PKIB: variants seen among roughly 807,000 people sequenced by gnomAD.
PKIB encodes the protein PKI-beta.
Under a neutral mutation model 4.5 loss-of-function variants are expected in PKIB, and 2 were observed. The observed-to-expected ratio is 0.44, with a 90% CI of 0.18 to 1.39. The LOEUF is 1.39. Ranked by LOEUF, PKIB falls within the 40% of genes most tolerant of loss-of-function variation. The pLI, the probability that PKIB is intolerant of heterozygous loss-of-function variation, is 0.27. For missense variants in PKIB, 94 were observed against 92.6 expected (o/e 1.02, Z -0.06); for synonymous variants, 38 against 36.0 (o/e 1.06, Z -0.20).
chr6:122,486,474 T>G (rs373801347), intron 2 of PKIB, among the ~76,000 whole-genome samples: 3 of 152,148 alleles, frequency 2.0e-5, no homozygotes, highest in African/African-American at 7.2e-5. Context: ...TAAGTTTATT[T>G]CTGTTATACA....
intron 2 of PKIB, among the ~76,000 whole-genome samples, chr6:122,501,224 C>T (rs560698259): frequency 1.8e-3 from 270 of 152,334 alleles, no homozygotes; most frequent in South Asian, 6.6e-3. Flanking sequence ...TGAGACAAAG[C>T]AAGTCCTTTC....
chr6:122,591,973 A>C (rs1420539576), intron 3 of PKIB, among the ~76,000 whole-genome samples: 1 of 151,628 alleles, frequency 6.6e-6, no homozygotes, highest in Non-Finnish European at 1.5e-5. Context: ...ACTGGGATTC[A>C]ACACGTGGTA....
At chr6:122,622,132 A>T (rs1177054821) in intron 1 of PKIB, among the ~76,000 whole-genome samples, 7 of 152,238 alleles carry the variant, frequency 4.6e-5, no homozygotes, top group Admixed American at 2.6e-4. Context: ...CTTAAACACG[A>T]GTTATGTGTT....
intron 1 of PKIB, among the ~76,000 whole-genome samples, chr6:122,629,815 C>G (rs1048938467): frequency 6.6e-6 from 1 of 152,088 alleles, no homozygotes; most frequent in African/African-American, 2.4e-5. Context: ...ATCTGTCAAA[C>G]TATTAAGGTC....
chr6:122,646,963 G>A (rs1776344200), intron 2 of PKIB, among the ~76,000 whole-genome samples: 1 of 151,830 alleles, frequency 6.6e-6, no homozygotes, highest in East Asian at 1.9e-4. Flanking sequence ...CAATCTATAT[G>A]CAATTTTATT....
chr6:122,701,108 G>A (rs575913474), intron 3 of PKIB: 1 of 208,550 alleles, frequency 4.8e-6, no homozygotes, highest in East Asian at 1.2e-4. Context: ...ATGCCCTTCG[G>A]AGTCATGAGA....
chr6:122,493,441 T>C (rs1775991651), intron 2 of PKIB: 1 of 152,242 alleles, frequency 6.6e-6, no homozygotes, highest in South Asian at 2.1e-4. Context: ...ACACAATTTA[T>C]GATATGTTGT....
At chr6:122,510,842 C>T (rs2114579947) in intron 2 of PKIB, among the ~76,000 whole-genome samples, 1 of 152,204 alleles carries the variant, frequency 6.6e-6, no homozygotes, top group East Asian at 1.9e-4. Context: ...CCTGAATGCC[C>T]CCTTTTCATA....
chr6:122,576,689 A>AAAAAATATAT (rs1345822382), intron 2 of PKIB, among the ~76,000 whole-genome samples: 368 of 34,272 alleles, frequency 0.011, 11 homozygotes, highest in Non-Finnish European at 0.013. Context: ...AAAAAAAAAA[A>AAAAAATATAT]ATATATATAT....
chr6:122,508,190 G>A (rs1210059153), intron 2 of PKIB, among the ~76,000 whole-genome samples: 2 of 152,172 alleles, frequency 1.3e-5, no homozygotes, highest in African/African-American at 4.8e-5. Flanking sequence ...AGGAAAGTAA[G>A]TGTCTTTTTA....
intron 2 of PKIB, among the ~76,000 whole-genome samples, chr6:122,498,366 C>A (rs563702458): frequency 6.9e-4 from 105 of 152,260 alleles, no homozygotes; most frequent in African/African-American, 2.4e-3. Context: ...GACCTGCCCC[C>A]ATAATTCAAT....
chr6:122,569,954 A>G (rs567694021), intron 2 of PKIB, among the ~76,000 whole-genome samples: 1 of 152,270 alleles, frequency 6.6e-6, no homozygotes, highest in South Asian at 2.1e-4. Flanking sequence ...AGGGTCTTGG[A>G]GACGGTGTCC....
intron 1 of PKIB, among the ~76,000 whole-genome samples, chr6:122,477,451 T>C (rs181025779): frequency 5.6e-4 from 86 of 152,360 alleles, no homozygotes; most frequent in Middle Eastern, 3.4e-3. Context: ...GGATAAATGT[T>C]ATATTCTGAT....
rs575755216 is a variant in PKIB at position 122,591,188 on chromosome 6, A to G, written c.-161+5181A>G. ...AGGTCCCCCCCCACATCTAATTCCT[A>G]TCTCTCGACACACACACACACACAC... On this transcript the variant is annotated intron_variant, in intron 3 of 6. Coordinates refer to the PKIB transcript ENST00000392491. 1.6e-3 allele frequency among the ~76,000 whole-genome samples: 237 copies of G among 144,388 alleles called. 2 individuals are homozygous for G. The highest frequency in any genetic ancestry group is 5.5e-3 in the African/African-American group (216 of 39,510). The allele number at this position is 144,388 out of a possible 152,430, so 94.7% of individuals were successfully genotyped here. A position where few individuals can be genotyped will look rare whatever the true frequency, so the allele number is the denominator to read the frequency against.
At chr6:122,642,320 A>C (rs1776152000) in intron 2 of PKIB, among the ~76,000 whole-genome samples, 1 of 152,228 alleles carries the variant, frequency 6.6e-6, no homozygotes. Flanking sequence ...CCCAAATCTC[A>C]AAATCAAAAT....
intron 3 of PKIB, among the ~76,000 whole-genome samples, chr6:122,602,955 CAA>C (rs71021410): frequency 3.1e-3 from 230 of 74,866 alleles, no homozygotes; most frequent in African/African-American, 0.013. Flanking sequence ...GACTGCGTCT[CAA>C]AAAAAAAAAA....
At chr6:122,507,633 C>T (rs756144230) in intron 2 of PKIB, among the ~76,000 whole-genome samples, 10 of 133,176 alleles carry the variant, frequency 7.5e-5, no homozygotes, top group African/African-American at 2.0e-4. Flanking sequence ...AGCCATCAGG[C>T]GTGTTGGGGG....
At chr6:122,637,349 C>CT (rs1775957847) in intron 2 of PKIB, among the ~76,000 whole-genome samples, 2 of 152,056 alleles carry the variant, frequency 1.3e-5, no homozygotes, top group Non-Finnish European at 2.9e-5. Flanking sequence ...TGTTTGATGG[C>CT]TTAGTAAAGC....
At chr6:122,714,390 G>T (rs914148209) in intron 3 of PKIB, among the ~76,000 whole-genome samples, 1 of 152,078 alleles carries the variant, frequency 6.6e-6, no homozygotes, top group African/African-American at 2.4e-5. Flanking sequence ...TTCTGTTTTC[G>T]ATCTTAAAAT....
Sources: gnomAD v4.1 joint callset for allele counts (sites outside exome capture counted in the v4.1 genomes callset) on GRCh38, gnomAD v4.1.1 for gene constraint, MANE v1.5 for transcripts, NCBI Gene and HGNC (gene_info 2026-07-23, HGNC 2026-07-21) for gene names.